The following NFAT5 variants were observed in gnomAD, a reference collection of about 807,000 sequenced individuals.
The protein encoded by NFAT5 is nuclear factor of activated T cells 5.
In NFAT5, 31 loss-of-function variants were observed where a neutral mutation model predicts 166.5. That is an observed-to-expected ratio of 0.19 (90% confidence interval 0.14 to 0.25). NFAT5 has a LOEUF of 0.25. Ranked by LOEUF, NFAT5 falls within the 10% of genes least tolerant of loss-of-function variation. The probability of loss-of-function intolerance (pLI) is 1.00; values close to 1 mark genes in which losing one functional copy is unlikely to be tolerated. For missense variants in NFAT5, 1,449 were observed against 1,821.8 expected (o/e 0.80, Z 3.72); for synonymous variants, 612 against 639.7 (o/e 0.96, Z 0.65).
chr16:69,653,446 C>T lies in NFAT5; in HGVS notation c.1005+18C>T, dbSNP rs761214173. The T allele has an allele frequency of 1.4e-6, 2 of 1,420,908 alleles. No homozygotes were observed. Among genetic ancestry groups the T allele is most frequent in the Non-Finnish European group, 1.9e-6 (2 of 1,070,132 alleles). 88.0% of individuals were successfully genotyped at this position (1,420,908 alleles called of 1,614,324 possible). ...CAGTAAAGGTATTTACTTTATTTAT[C>T]ATTTGAATTTTAGTTAAAATGTAAA... On this transcript the variant is annotated intron_variant, in intron 5 of 14. Coordinates refer to ENST00000349945, the MANE Select transcript of NFAT5 (RefSeq NM_138713.4).
chr16:69,588,802 AT>A (rs1286212527), intron 2 of NFAT5, among the ~76,000 whole-genome samples: 1 of 152,148 alleles, frequency 6.6e-6, no homozygotes, highest in Non-Finnish European at 1.5e-5. Flanking sequence ...AACCTATAAT[AT>A]TGCCTAGAAG....
At chr16:69,607,456 T>C (rs1196281891) in intron 2 of NFAT5, among the ~76,000 whole-genome samples, 2 of 152,234 alleles carry the variant, frequency 1.3e-5, no homozygotes, top group African/African-American at 4.8e-5. Flanking sequence ...ATAGTCATGA[T>C]TGTGAGTTTC....
intron 7 of NFAT5, among the ~76,000 whole-genome samples, chr16:69,667,947 A>T (rs1374325869): frequency 6.6e-6 from 1 of 151,792 alleles, no homozygotes; most frequent in East Asian, 1.9e-4. Flanking sequence ...GACAATACTT[A>T]TTTTTTGTTT....
intron 3 of NFAT5, among the ~76,000 whole-genome samples, chr16:69,630,900 C>G (rs1011940363): frequency 3.0e-4 from 45 of 152,132 alleles, no homozygotes; most frequent in African/African-American, 1.1e-3. Context: ...TATTTTTAAT[C>G]TATGTGCTTA....
At chr16:69,602,117 A>T (rs2033160590) in intron 2 of NFAT5, among the ~76,000 whole-genome samples, 1 of 129,954 alleles carries the variant, frequency 7.7e-6, no homozygotes, top group Non-Finnish European at 1.6e-5. Context: ...CGTTGAAAGC[A>T]TAAGGCTTTT....
intron 4 of NFAT5, chr16:69,649,050 A>T: frequency 1.1e-6 from 1 of 870,490 alleles, no homozygotes; most frequent in Non-Finnish European, 1.4e-6. Context: ...TACCTAAAAG[A>T]AAATAAGATA....
At chr16:69,590,792 T>A (rs982711923) in intron 2 of NFAT5, among the ~76,000 whole-genome samples, 2 of 152,162 alleles carry the variant, frequency 1.3e-5, no homozygotes, top group African/African-American at 4.8e-5. Context: ...CCCCGCCCCA[T>A]CTGGGGTAGA....
intron 2 of NFAT5, among the ~76,000 whole-genome samples, chr16:69,584,601 A>G (rs1324145061): frequency 1.3e-5 from 2 of 151,754 alleles, no homozygotes; most frequent in African/African-American, 4.8e-5. Context: ...CGGTCTTGCT[A>G]TATATAGCAA....
chr16:69,577,990 CA>C (rs35793232), intron 2 of NFAT5, among the ~76,000 whole-genome samples: 52,001 of 150,008 alleles, frequency 0.35, 9,576 homozygotes, highest in Non-Finnish European at 0.42. Context: ...GACCCTGTGT[CA>C]AAAAAAAAAT....
At chr16:69,570,588 T>G (rs1157397967) in intron 2 of NFAT5, among the ~76,000 whole-genome samples, 1 of 152,004 alleles carries the variant, frequency 6.6e-6, no homozygotes, top group African/African-American at 2.4e-5. Context: ...ATTGTTAATA[T>G]AATTATTGTA....
rs1326872379 is a variant in NFAT5, at chr16:69,695,110, A to C, written c.4415-26A>C. On this transcript the variant is annotated intron_variant, in intron 13 of 14. Coordinates refer to ENST00000349945, the MANE Select transcript of NFAT5 (RefSeq NM_138713.4). ...TTCTGCAGACTGTAGTCAGCTTTTA[A>C]GCTTCTGTTTTCAATGTCTCTGCAG... is the stretch of plus-strand genomic sequence containing the variant. The C allele has an allele frequency of 3.2e-6, 5 of 1,546,268 alleles. No homozygotes were observed. In the African/African-American group the frequency reaches 6.8e-5, roughly 21 times the overall value.
chr16:69,629,886 A>G (rs1217443157), intron 3 of NFAT5, among the ~76,000 whole-genome samples: 1 of 148,334 alleles, frequency 6.7e-6, no homozygotes, highest in Non-Finnish European at 1.5e-5. Flanking sequence ...CTCCCATTTC[A>G]GTCTCCTGAG....
chr16:69,653,327 A>T lies in NFAT5; in HGVS notation c.904A>T (p.Ile302Leu), dbSNP rs1477228059. 1.9e-6 allele frequency: 3 copies of T among 1,613,302 alleles called. No individual in the cohort carries two copies. Among genetic ancestry groups the T allele is most frequent in the Non-Finnish European group, 2.5e-6 (3 of 1,179,728 alleles). The stretch of plus-strand genomic sequence containing the variant: ...TAAAAGTGAGGGAAAGGAGCTGAAG[A>T]TAGTTGTACAACCTGAGACACAGCA... ...PVKSEGKELKIVVQPETQHRA... is the reference protein window; with the variant it reads ...PVKSEGKELKLVVQPETQHRA... The change falls in exon 5 of 15, where the codon ATA becomes TTA. Residue 302 changes from isoleucine to leucine, a missense_variant. Physicochemically the swap from Ile to Leu is conservative, Grantham distance 5. Coordinates refer to ENST00000349945, the MANE Select transcript of NFAT5 (RefSeq NM_138713.4).
intron 7 of NFAT5, among the ~76,000 whole-genome samples, chr16:69,665,162 G>A (rs1395061090): frequency 6.6e-6 from 1 of 152,094 alleles, no homozygotes; most frequent in African/African-American, 2.4e-5. Flanking sequence ...CCTTTTAAAA[G>A]GCCAGAAGTT....
intron 2 of NFAT5, among the ~76,000 whole-genome samples, chr16:69,608,775 C>T (rs1101059): frequency 1.9e-4 from 28 of 150,194 alleles, no homozygotes; most frequent in East Asian, 6.1e-4. Flanking sequence ...CCACCACGCC[C>T]GGCTAATTTT....
intron 3 of NFAT5, among the ~76,000 whole-genome samples, chr16:69,638,434 T>TA (rs888989954): frequency 4.0e-5 from 6 of 150,380 alleles, no homozygotes; most frequent in African/African-American, 1.5e-4. Flanking sequence ...AATCATATCT[T>TA]AAAAAAAACA....
chr16:69,612,444 AG>A (rs2033748038), intron 2 of NFAT5, among the ~76,000 whole-genome samples: 1 of 152,228 alleles, frequency 6.6e-6, no homozygotes, highest in South Asian at 2.1e-4. Flanking sequence ...AAGTATGGAA[AG>A]GAAGCATAAG....
At chr16:69,573,975 G>C (rs186423858) in intron 2 of NFAT5, among the ~76,000 whole-genome samples, 1 of 150,360 alleles carries the variant, frequency 6.7e-6, no homozygotes, top group Non-Finnish European at 1.5e-5. Flanking sequence ...AGGTTCAAGC[G>C]ATTTCCCTGC....
intron 3 of NFAT5, among the ~76,000 whole-genome samples, chr16:69,643,194 G>A (rs950807904): frequency 6.7e-6 from 1 of 149,206 alleles, no homozygotes; most frequent in Admixed American, 6.7e-5. Context: ...CTCCAGCCTG[G>A]GCAACAGAGC....
Sources: gnomAD v4.1 joint callset for allele counts (sites outside exome capture counted in the v4.1 genomes callset) on GRCh38, gnomAD v4.1.1 for gene constraint, MANE v1.5 for transcripts, NCBI Gene and HGNC (gene_info 2026-07-23, HGNC 2026-07-21) for gene names.